MIPOL1: variants seen among roughly 807,000 people sequenced by gnomAD.
The protein encoded by MIPOL1 is mirror-image polydactyly 1.
MIPOL1 carries 57 observed loss-of-function variants against 60.9 expected under a neutral mutation model. That is an observed-to-expected ratio of 0.94 (90% CI 0.76 to 1.17). MIPOL1 has a LOEUF of 1.17. Ranked by LOEUF, MIPOL1 falls within the 50% of genes most tolerant of loss-of-function variation. MIPOL1 has a pLI of 0.00. For missense variants in MIPOL1, 551 were observed against 511.6 expected (o/e 1.08, Z -0.74); for synonymous variants, 179 against 168.8 (o/e 1.06, Z -0.47).
At chr14:37,303,259 C>A (rs1267859292) in intron 7 of MIPOL1, among the ~76,000 whole-genome samples, 3 of 151,808 alleles carry the variant, frequency 2.0e-5, no homozygotes, top group Non-Finnish European at 2.9e-5. Context: ...CAGTCAATTA[C>A]ACATTGTCAG....
At chr14:37,457,761 T>G (rs1300244926) in intron 11 of MIPOL1, among the ~76,000 whole-genome samples, 1 of 152,216 alleles carries the variant, frequency 6.6e-6, no homozygotes, top group African/African-American at 2.4e-5. Context: ...ATGTCCTTGT[T>G]CTTGTCTTTT....
At chr14:37,439,417 A>T (rs1247711485) in intron 11 of MIPOL1, among the ~76,000 whole-genome samples, 3 of 152,196 alleles carry the variant, frequency 2.0e-5, no homozygotes, top group African/African-American at 4.8e-5. Context: ...TATTGTTAAC[A>T]TGTATTTAGT....
intron 1 of MIPOL1, among the ~76,000 whole-genome samples, chr14:37,209,536 T>C (rs1382575062): frequency 6.6e-6 from 1 of 152,132 alleles, no homozygotes; most frequent in African/African-American, 2.4e-5. Context: ...GGCGCTCGCC[T>C]GTAATCCCAG....
intron 7 of MIPOL1, among the ~76,000 whole-genome samples, chr14:37,298,158 C>G (rs1772067228): frequency 6.6e-6 from 1 of 152,128 alleles, no homozygotes; most frequent in East Asian, 1.9e-4. Context: ...ATATCTACAA[C>G]TATCTGATCT....
intron 1 of MIPOL1, among the ~76,000 whole-genome samples, chr14:37,206,339 T>C (rs1966093230): frequency 6.6e-6 from 1 of 152,306 alleles, no homozygotes; most frequent in African/African-American, 2.4e-5. Flanking sequence ...TTCCATGTGA[T>C]GTTGAGCCTG....
intron 11 of MIPOL1, among the ~76,000 whole-genome samples, chr14:37,440,982 A>G (rs2094235588): frequency 6.6e-6 from 1 of 152,092 alleles, no homozygotes; most frequent in Admixed American, 6.6e-5. Flanking sequence ...TGTCTCATTG[A>G]AATTTTAATT....
At chr14:37,270,188 A>G (rs1350324717) in intron 5 of MIPOL1, among the ~76,000 whole-genome samples, 1 of 152,190 alleles carries the variant, frequency 6.6e-6, no homozygotes, top group East Asian at 1.9e-4. Flanking sequence ...CTGTTCATGC[A>G]CATATACACA....
At chr14:37,423,009 C>T in intron 11 of MIPOL1, 60 bp downstream of exon 11, 1 of 1,068,898 alleles carries the variant, frequency 9.4e-7, no homozygotes, top group South Asian at 1.4e-5. Flanking sequence ...ATGTTTCTAC[C>T]TGATTTTACA....
At position 37,274,587 on chromosome 14, in the gene MIPOL1, C is replaced by G. The variant is rs536834401; in HGVS notation, c.493+4062C>G. On this transcript the variant is annotated intron_variant, in intron 6 of 12. Coordinates refer to ENST00000684589, the MANE Select transcript of MIPOL1 (RefSeq NM_001388067.1). ...TTTGGGATCTCAGGCATTTTTTTGC[C>G]TGGTATTACTTCTCAATCATAATAC... 1.2e-4 allele frequency among the ~76,000 whole-genome samples: 18 copies of G among 151,216 alleles called. No homozygotes were observed. In the South Asian group the frequency reaches 2.1e-3, roughly 17 times the overall value.
chr14:37,248,150 A>C (rs1973476390), intron 3 of MIPOL1, among the ~76,000 whole-genome samples: 1 of 151,946 alleles, frequency 6.6e-6, no homozygotes, highest in Non-Finnish European at 1.5e-5. Context: ...GAGACACAGA[A>C]AAGACATTGA....
chr14:37,438,947 A>G (rs1409522483), intron 11 of MIPOL1, among the ~76,000 whole-genome samples: 1 of 152,364 alleles, frequency 6.6e-6, no homozygotes, highest in Non-Finnish European at 1.5e-5. Flanking sequence ...GCTGTAGCAC[A>G]ATCACTAACG....
chr14:37,275,550 A>T (rs934996316), intron 6 of MIPOL1, among the ~76,000 whole-genome samples: 3 of 151,250 alleles, frequency 2.0e-5, no homozygotes, highest in African/African-American at 7.2e-5. Flanking sequence ...TTGTTCAATT[A>T]AACCTTTCAT....
chr14:37,261,957 A>T (rs187702497), intron 3 of MIPOL1, among the ~76,000 whole-genome samples: 4 of 152,154 alleles, frequency 2.6e-5, no homozygotes, highest in Admixed American at 2.6e-4. Flanking sequence ...TGGTTAGAAC[A>T]CTTGGATGGT....
chr14:37,529,144 CTT>C (rs1432548803), intron 12 of MIPOL1, among the ~76,000 whole-genome samples: 3 of 152,106 alleles, frequency 2.0e-5, no homozygotes, highest in African/African-American at 7.2e-5. Context: ...GAAAAAATGT[CTT>C]GTTAGTCTGA....
chr14:37,486,263 G>C (rs1264068049), intron 11 of MIPOL1, among the ~76,000 whole-genome samples: 1 of 152,134 alleles, frequency 6.6e-6, no homozygotes, highest in Non-Finnish European at 1.5e-5. Context: ...TTGAAGTCAG[G>C]TAGTGTGATG....
intron 9 of MIPOL1, among the ~76,000 whole-genome samples, chr14:37,322,666 A>G (rs2088706992): frequency 6.6e-6 from 1 of 151,994 alleles, no homozygotes; most frequent in South Asian, 2.1e-4. Context: ...AATGATTGCC[A>G]TTCTAACTGG....
At chr14:37,242,496 T>C (rs1003045713) in intron 1 of MIPOL1, among the ~76,000 whole-genome samples, 33 of 152,284 alleles carry the variant, frequency 2.2e-4, no homozygotes, top group African/African-American at 7.5e-4. Flanking sequence ...GTCTGGCTCA[T>C]AGTATACACA....
chr14:37,298,930 C>T (rs1261755946), intron 7 of MIPOL1, among the ~76,000 whole-genome samples: 1 of 150,258 alleles, frequency 6.7e-6, no homozygotes, highest in Non-Finnish European at 1.5e-5. Flanking sequence ...CCATTTGACC[C>T]AGCCATCCCA....
At position 37,457,324 on chromosome 14, in the gene MIPOL1, T is replaced by C. The variant is rs927255969; in HGVS notation, c.1031+34375T>C. Among the ~76,000 whole-genome samples, 4 of 152,208 alleles carry C rather than the reference T, an allele frequency of 2.6e-5. No homozygotes were observed. The East Asian group carries it at 5.8e-4, about 22-fold the overall frequency. On this transcript the variant is annotated intron_variant, in intron 11 of 12. Transcript: ENST00000684589. Reference sequence around the variant, plus strand: ...CATTCATTGCTCTTTCCTTAGTGCCTTGAACAGTCTGGCACAAAGTAGGTG... The same window carrying C: ...CATTCATTGCTCTTTCCTTAGTGCCCTGAACAGTCTGGCACAAAGTAGGTG...
Sources: allele counts gnomAD v4.1 joint callset (sites outside exome capture counted in the v4.1 genomes callset), GRCh38; gene constraint gnomAD v4.1.1; transcripts MANE v1.5; gene names NCBI Gene and HGNC (gene_info 2026-07-23, HGNC 2026-07-21).